The following ELOB variants were observed in gnomAD, a reference collection of about 807,000 sequenced individuals.
The protein encoded by ELOB is elongin-B.
ELOB carries 3 observed loss-of-function variants against 12.9 expected under a neutral mutation model. The ratio of observed to expected loss-of-function variants is 0.23; its 90% CI spans 0.11 to 0.60. ELOB has a LOEUF of 0.60. Ranked by LOEUF, ELOB falls within the 20% of genes least tolerant of loss-of-function variation. ELOB has a pLI of 0.89. For missense variants in ELOB, 126 were observed against 159.2 expected (o/e 0.79, Z 1.12); for synonymous variants, 84 against 67.4 (o/e 1.25, Z -1.21).
intron 3 of ELOB, among the ~76,000 whole-genome samples, chr16:2,772,779 G>A (rs936255920): frequency 4.6e-5 from 7 of 151,686 alleles, no homozygotes; most frequent in Non-Finnish European, 1.0e-4. Context: ...TTCCCATCAT[G>A]ACCTGAATAC....
chr16:2,772,141 G>C (rs778174613), intron 3 of ELOB, 39 bp from the exon 4 acceptor site: 8 of 1,540,208 alleles, frequency 5.2e-6, no homozygotes, highest in Non-Finnish European at 7.0e-6. Flanking sequence ...GGGTATTCCA[G>C]CTCTTGCCCC....
chr16:2,775,112 C>T (rs1351256118), intron 3 of ELOB, among the ~76,000 whole-genome samples: 2 of 152,072 alleles, frequency 1.3e-5, no homozygotes, highest in African/African-American at 4.8e-5. Flanking sequence ...GGTATGTGGA[C>T]TTCCCAGGGC....
intron 3 of ELOB, 71 bp downstream of exon 3, chr16:2,775,380 T>C: frequency 1.7e-6 from 2 of 1,152,068 alleles, no homozygotes; most frequent in Non-Finnish European, 2.4e-6. Context: ...GGCTCCCTGA[T>C]GACCTTCTTT....
At chr16:2,775,053 T>C (rs2068790831) in intron 3 of ELOB, among the ~76,000 whole-genome samples, 1 of 152,160 alleles carries the variant, frequency 6.6e-6, no homozygotes, top group Non-Finnish European at 1.5e-5. Flanking sequence ...CGTGGCTCCC[T>C]ACGTGACTGC....
chr16:2,771,732 C>T lies in ELOB; in HGVS notation c.*258G>A, dbSNP rs1035520915. ...CCTCCCCCTGGCGTGGTTGGTGTGG[C>T]TGGCTAGCTGCTAACAATGGCTTGG... On this transcript the variant is annotated 3_prime_UTR_variant, in exon 4 of 4. Transcript: ENST00000409906. 7.2e-6 allele frequency: 11 copies of T among 1,532,844 alleles called. No individual in the cohort carries two copies. The South Asian group carries it at 1.4e-4, about 19-fold the overall frequency. The allele number at this position is 1,532,844 out of a possible 1,614,324, so 95.0% of individuals were successfully genotyped here. A position where few individuals can be genotyped will look rare whatever the true frequency, so the allele number is the denominator to read the frequency against.
chr16:2,774,641 T>C (rs896413055), intron 3 of ELOB, among the ~76,000 whole-genome samples: 1 of 152,244 alleles, frequency 6.6e-6, no homozygotes, highest in African/African-American at 2.4e-5. Context: ...TTATCCAAGT[T>C]TTCTCAGCCA....
In ELOB at chr16:2,771,546, G is replaced by A; in HGVS notation, c.*444C>T. 1 of 1,614,170 alleles carries A rather than the reference G, an allele frequency of 6.2e-7. No individual in the cohort carries two copies. The highest frequency in any genetic ancestry group is 1.1e-5 in the South Asian group (1 of 91,084). ...CTCGTTGAACATGCTGTCAAACCAG[G>A]ACACTGGCTCCAGCTTGTGTTTCTG... On this transcript the variant is annotated 3_prime_UTR_variant, in exon 4 of 4. Transcript: ENST00000409906.
chr16:2,776,726 G>A (rs775689476), intron 2 of ELOB, among the ~76,000 whole-genome samples: 21 of 152,234 alleles, frequency 1.4e-4, no homozygotes, highest in Non-Finnish European at 2.8e-4. Flanking sequence ...TCAACTGCAC[G>A]GCGCGGGCGA....
At chr16:2,772,777 A>G (rs373020171) in intron 3 of ELOB, among the ~76,000 whole-genome samples, 1 of 151,384 alleles carries the variant, frequency 6.6e-6, no homozygotes, top group Non-Finnish European at 1.5e-5. Flanking sequence ...GCTTCCCATC[A>G]TGACCTGAAT....
Position 2,771,754 on chromosome 16 carries a change from T to G in ELOB, c.*236A>C, listed in dbSNP as rs1300156045. 1.3e-6 allele frequency: 2 copies of G among 1,506,164 alleles called. No individual in the cohort carries two copies. The highest frequency in any genetic ancestry group is 2.3e-5 in the East Asian group (1 of 42,818). 93.3% of individuals were successfully genotyped at this position (1,506,164 alleles called of 1,614,324 possible). On this transcript the variant is annotated 3_prime_UTR_variant, in exon 4 of 4. Transcript: ENST00000409906. ...TGGCTGGCTAGCTGCTAACAATGGC[T>G]TGGGTCTCAGGGCAACCCAGGTCCC...
Position 2,772,026 on chromosome 16 carries a change from G to A in ELOB, c.321C>T (p.Asp107=). The part of the protein sequence containing the change: ...PELPDVMKPQ[D]SGSSANEQAV... ...CTTGTTCATTGGCACTGCTTCCCGA[G>A]TCCTGGGGCTTCATCACATCGGGCA... The change falls in exon 4 of 4, where the codon GAC becomes GAT. Residue 107 remains aspartate, a synonymous_variant. Coordinates refer to ENST00000409906, the MANE Select transcript of ELOB (RefSeq NM_007108.4). 1.9e-6 allele frequency: 3 copies of A among 1,613,428 alleles called. No individual in the cohort carries two copies. Among genetic ancestry groups the A allele is most frequent in the African/African-American group, 1.3e-5 (1 of 74,982 alleles).
In ELOB at chr16:2,777,256, C is replaced by T. The variant is rs1250447626; in HGVS notation, c.-17G>A. On this transcript the variant is annotated 5_prime_UTR_variant, in exon 1 of 4. Coordinates refer to ENST00000409906, the MANE Select transcript of ELOB (RefSeq NM_007108.4). ...GCTCACCATCGCGGCTGCTGCCTCT[C>T]CCCTCGACGCGCCGGCGCAGCCGCG... The T allele has an allele frequency of 9.8e-7, 1 of 1,023,728 alleles. No individual in the cohort carries two copies. The highest frequency in any genetic ancestry group is 1.2e-6 in the Non-Finnish European group (1 of 854,964). The allele number at this position is 1,023,728 out of a possible 1,614,324, so 63.4% of individuals were successfully genotyped here. A position where few individuals can be genotyped will look rare whatever the true frequency, so the allele number is the denominator to read the frequency against.
At chr16:2,773,562 A>G (rs1453164974) in intron 3 of ELOB, among the ~76,000 whole-genome samples, 1 of 152,144 alleles carries the variant, frequency 6.6e-6, no homozygotes, top group African/African-American at 2.4e-5. Context: ...TGGGAACAAC[A>G]TGATGATGGG....
intron 2 of ELOB, 111 bp downstream of exon 2, chr16:2,776,882 G>C (rs2068804236): frequency 7.2e-7 from 1 of 1,388,714 alleles, no homozygotes. Context: ...CCGCGGCTCG[G>C]GCGCCCGCAG....
Position 2,774,109 on chromosome 16 carries a change from A to G in ELOB, c.244+1342T>C, listed in dbSNP as rs183205736. Reference sequence around the variant, plus strand: ...GCTGGGCGTGGTGGCACATGCCTGTAATCCCAGCTCCTCAGGCCACTGAGG... The same window carrying G: ...GCTGGGCGTGGTGGCACATGCCTGTGATCCCAGCTCCTCAGGCCACTGAGG... On this transcript the variant is annotated intron_variant, in intron 3 of 3. Coordinates refer to ENST00000409906, the MANE Select transcript of ELOB (RefSeq NM_007108.4). 4.8e-3 allele frequency among the ~76,000 whole-genome samples: 733 copies of G among 152,342 alleles called. 2 individuals carry two copies. Among genetic ancestry groups the G allele is most frequent in the Admixed American group, 6.9e-3 (106 of 15,306 alleles).
intron 2 of ELOB, 82 bp downstream of exon 2, chr16:2,776,911 G>A (rs2068804459): frequency 1.3e-6 from 2 of 1,483,178 alleles, no homozygotes; most frequent in African/African-American, 1.5e-5. Context: ...GGCCGCTACT[G>A]TTTACATCGC....
In ELOB at chr16:2,771,977, C is replaced by T; in HGVS notation, c.*13G>A. Reference sequence around the variant, plus strand: ...ATCTCTTTTATTGGGGGAAATGGGCCTCTTGGGGGTCCTCACTGCACGGCT... The same window carrying T: ...ATCTCTTTTATTGGGGGAAATGGGCTTCTTGGGGGTCCTCACTGCACGGCT... On this transcript the variant is annotated 3_prime_UTR_variant, in exon 4 of 4. Transcript: ENST00000409906. The T allele has an allele frequency of 6.5e-7, 1 of 1,544,330 alleles. No individual in the cohort carries two copies. Among genetic ancestry groups the T allele is most frequent in the African/African-American group, 1.4e-5 (1 of 69,270 alleles).
At chr16:2,775,913 TG>T (rs2068797106) in intron 2 of ELOB, among the ~76,000 whole-genome samples, 1 of 152,188 alleles carries the variant, frequency 6.6e-6, no homozygotes, top group Non-Finnish European at 1.5e-5. Flanking sequence ...GGTCTCGCTA[TG>T]TTGCCCAGGC....
chr16:2,771,724 T>C lies in ELOB; in HGVS notation c.*266A>G. On this transcript the variant is annotated 3_prime_UTR_variant, in exon 4 of 4. Coordinates refer to ENST00000409906, the MANE Select transcript of ELOB (RefSeq NM_007108.4). The stretch of plus-strand genomic sequence containing the variant: ...TTCCCTTTCCTCCCCCTGGCGTGGT[T>C]GGTGTGGCTGGCTAGCTGCTAACAA... 6.5e-7 allele frequency: 1 copy of C among 1,544,936 alleles called. No individual in the cohort carries two copies. The highest frequency in any genetic ancestry group is 8.7e-7 in the Non-Finnish European group (1 of 1,149,138).
Sources: gnomAD v4.1 joint callset for allele counts (sites outside exome capture counted in the v4.1 genomes callset) on GRCh38, gnomAD v4.1.1 for gene constraint, MANE v1.5 for transcripts, NCBI Gene and HGNC (gene_info 2026-07-23, HGNC 2026-07-21) for gene names.